SEZ6L: variants seen among roughly 807,000 people sequenced by gnomAD.
SEZ6L encodes the protein seizure related 6 homolog like, also known as seizure 6-like protein.
SEZ6L carries 37 observed loss-of-function variants against 106.2 expected under a neutral mutation model. The observed-to-expected ratio is 0.35, with a 90% CI of 0.27 to 0.46. The LOEUF is 0.46. SEZ6L is among the 20% of genes least tolerant of loss of function. The pLI, the probability that SEZ6L is intolerant of heterozygous loss-of-function variation, is 1.00. For missense variants in SEZ6L, 1,172 were observed against 1,332.8 expected (o/e 0.88, Z 1.88); for synonymous variants, 541 against 570.4 (o/e 0.95, Z 0.73).
At chr22:26,178,562 TG>T (rs1318786267) in intron 1 of SEZ6L, among the ~76,000 whole-genome samples, 1 of 152,186 alleles carries the variant, frequency 6.6e-6, no homozygotes, top group East Asian at 1.9e-4. Context: ...GTATAGCACC[TG>T]GGGTCTGGAG....
chr22:26,294,859 T>TTCCTTC (rs1569449934), intron 3 of SEZ6L, among the ~76,000 whole-genome samples: 2 of 140,670 alleles, frequency 1.4e-5, no homozygotes, highest in African/African-American at 2.6e-5. Context: ...GCTTTCTTGC[T>TTCCTTC]TCTTTCTCTT....
intron 1 of SEZ6L, among the ~76,000 whole-genome samples, chr22:26,219,250 A>G (rs1428944423): frequency 6.1e-5 from 5 of 81,318 alleles, no homozygotes; most frequent in Non-Finnish European, 1.4e-4. Context: ...TTCGAGAAAT[A>G]CAAGTTTTTT....
At chr22:26,236,107 C>T (rs1288753255) in intron 1 of SEZ6L, among the ~76,000 whole-genome samples, 1 of 152,236 alleles carries the variant, frequency 6.6e-6, no homozygotes, top group African/African-American at 2.4e-5. Context: ...GCCTCCTTCC[C>T]GTCCACCAGT....
chr22:26,373,638 G>GA (rs527344859), intron 14 of SEZ6L, among the ~76,000 whole-genome samples, 155 bp downstream of exon 14: 48 of 152,012 alleles, frequency 3.2e-4, no homozygotes, highest in East Asian at 1.7e-3. Context: ...TATTGTAGGG[G>GA]AAAAAAAATT....
At chr22:26,373,334 A>T (rs140564732) in intron 13 of SEZ6L, 117 bp from the exon 14 acceptor site, 28 of 818,062 alleles carry the variant, frequency 3.4e-5, no homozygotes, top group East Asian at 3.2e-4. Context: ...GTAAAAACAT[A>T]CCACTAACTT....
intron 9 of SEZ6L, among the ~76,000 whole-genome samples, chr22:26,339,490 C>A (rs758711865): frequency 3.2e-4 from 48 of 152,160 alleles, no homozygotes; most frequent in Non-Finnish European, 5.4e-4. Context: ...GGATTATTAA[C>A]TATCCACTGT....
chr22:26,337,699 C>T (rs1379119934), intron 9 of SEZ6L, among the ~76,000 whole-genome samples: 1 of 152,040 alleles, frequency 6.6e-6, no homozygotes, highest in Admixed American at 6.6e-5. Context: ...TAAAAACTGT[C>T]AGGGGGGTAG....
intron 1 of SEZ6L, among the ~76,000 whole-genome samples, chr22:26,175,426 A>G (rs1017188938): frequency 6.6e-6 from 1 of 152,304 alleles, no homozygotes; most frequent in African/African-American, 2.4e-5. Flanking sequence ...TAAGGTTTAA[A>G]TCCTTGGTGC....
At chr22:26,301,227 G>A (rs2081443910) in intron 5 of SEZ6L, among the ~76,000 whole-genome samples, 2 of 152,192 alleles carry the variant, frequency 1.3e-5, no homozygotes, top group Non-Finnish European at 2.9e-5. Context: ...AAAGAAGTGG[G>A]CTTTCTGAGC....
chr22:26,203,767 G>T (rs1941126940), intron 1 of SEZ6L, among the ~76,000 whole-genome samples: 1 of 152,144 alleles, frequency 6.6e-6, no homozygotes, highest in Non-Finnish European at 1.5e-5. Flanking sequence ...TGGAACCCTG[G>T]TATGTTTCAC....
chr22:26,289,255 C>T (rs1339379722), intron 1 of SEZ6L, among the ~76,000 whole-genome samples: 5 of 152,196 alleles, frequency 3.3e-5, no homozygotes. Context: ...CCCCTCCCCC[C>T]TGCTCTTTTT....
At chr22:26,184,702 C>T (rs1238084534) in intron 1 of SEZ6L, among the ~76,000 whole-genome samples, 3 of 152,148 alleles carry the variant, frequency 2.0e-5, no homozygotes, top group African/African-American at 7.2e-5. Flanking sequence ...TACCCCAAAG[C>T]ATGCGGATCA....
chr22:26,230,276 A>G (rs7292846), intron 1 of SEZ6L, among the ~76,000 whole-genome samples: 12,145 of 151,912 alleles, frequency 0.08, 944 homozygotes, highest in African/African-American at 0.2. Flanking sequence ...ACTGAGGGAG[A>G]AAAAAAGATA....
intron 1 of SEZ6L, among the ~76,000 whole-genome samples, chr22:26,180,000 T>C (rs1295433108): frequency 1.3e-5 from 2 of 152,218 alleles, no homozygotes; most frequent in Admixed American, 6.5e-5. Context: ...AGTAGCTATG[T>C]GTGGCTCATG....
At chr22:26,277,231 T>C (rs1379170917) in intron 1 of SEZ6L, among the ~76,000 whole-genome samples, 1 of 151,530 alleles carries the variant, frequency 6.6e-6, no homozygotes, top group Non-Finnish European at 1.5e-5. Context: ...CCCAAAGCAC[T>C]AGGATTACAG....
intron 1 of SEZ6L, among the ~76,000 whole-genome samples, chr22:26,271,181 A>C (rs2080353473): frequency 6.6e-6 from 1 of 152,220 alleles, no homozygotes; most frequent in Non-Finnish European, 1.5e-5. Context: ...TAGAACAGCA[A>C]TAAAATCGTA....
Position 26,299,067 on chromosome 22 carries a change from C to A in SEZ6L, c.1246C>A (p.His416Asn). 1 of 1,608,412 alleles carries A rather than the reference C, an allele frequency of 6.2e-7. No individual in the cohort carries two copies. The highest frequency in any genetic ancestry group is 8.5e-7 in the Non-Finnish European group (1 of 1,177,536). ...GGACCTGCACTCAGGTGGGGTGGCC[C>A]ACTTTCACTGCCACCTGGGCTATGA... is the stretch of plus-strand genomic sequence containing the variant. ...VMDLHSGGVA[H>N]FHCHLGYELQ... Residue 416 changes from histidine (H) to asparagine (N), a missense_variant, in exon 5 of 17, where the codon CAC becomes AAC. His to Asn is a moderately conservative substitution (Grantham distance 68, BLOSUM62 1). Around this residue, in one of 4 missense-constraint regions of SEZ6L, gnomAD observed 534 missense variants for 691.0 expected, o/e 0.77. Coordinates refer to ENST00000248933, the MANE Select transcript of SEZ6L (RefSeq NM_021115.5).
At chr22:26,190,872 G>A (rs1174870865) in intron 1 of SEZ6L, among the ~76,000 whole-genome samples, 3 of 152,200 alleles carry the variant, frequency 2.0e-5, no homozygotes, top group African/African-American at 7.2e-5. Flanking sequence ...AAGGAACTGA[G>A]TGTGTGCTAA....
intron 10 of SEZ6L, among the ~76,000 whole-genome samples, chr22:26,343,844 A>G (rs1211135097): frequency 6.6e-6 from 1 of 152,250 alleles, no homozygotes; most frequent in East Asian, 1.9e-4. Context: ...CAAGAATGGC[A>G]AATAGACCGT....
Sources: gnomAD v4.1 joint callset for allele counts (sites outside exome capture counted in the v4.1 genomes callset) on GRCh38, gnomAD v4.1.1 for gene constraint, gnomAD v4.1.1 regional missense constraint, MANE v1.5 for transcripts, NCBI Gene and HGNC (gene_info 2026-07-23, HGNC 2026-07-21) for gene names.